NT5C1B: variants seen among roughly 807,000 people sequenced by gnomAD.
The protein encoded by NT5C1B is 5'-nucleotidase, cytosolic IB, also known as cytosolic 5'-nucleotidase 1B.
Under a neutral mutation model 57.8 loss-of-function variants are expected in NT5C1B, and 44 were observed. The ratio of observed to expected loss-of-function variants is 0.76; its 90% CI spans 0.60 to 0.98. NT5C1B has a LOEUF of 0.98. Among genes scored for constraint, NT5C1B ranks in the 50% least tolerant of loss-of-function variants. The pLI is 0.00. For synonymous variants in NT5C1B, 284 were observed against 282.6 expected (o/e 1.00, Z -0.05); for missense variants, 742 against 719.5 (o/e 1.03, Z -0.36).
exon 9 of NT5C1B, chr2:18,563,868 C>A: frequency 1.2e-6 from 2 of 1,613,790 alleles, no homozygotes; most frequent in Non-Finnish European, 1.7e-6. Context: ...CAATGTGGAA[C>A]ATGTGGTCAT....
intron 1 of NT5C1B, among the ~76,000 whole-genome samples, chr2:18,587,916 G>GT (rs964799536): frequency 1.2e-4 from 18 of 150,422 alleles, no homozygotes; most frequent in Non-Finnish European, 1.3e-4. Context: ...GAATAAGTTT[G>GT]TTTTTTTTTC....
intron 6 of NT5C1B, among the ~76,000 whole-genome samples, chr2:18,578,305 G>A (rs1054791765): frequency 1.3e-5 from 2 of 151,978 alleles, no homozygotes; most frequent in Admixed American, 6.5e-5. Context: ...AAACCTGGCA[G>A]AGACACAGAA....
At chr2:18,587,992 T>C (rs1666877493) in intron 1 of NT5C1B, among the ~76,000 whole-genome samples, 1 of 152,234 alleles carries the variant, frequency 6.6e-6, no homozygotes, top group African/African-American at 2.4e-5. Flanking sequence ...CAATTTTTTC[T>C]TGTTTTCATC....
intron 8 of NT5C1B, among the ~76,000 whole-genome samples, chr2:18,572,173 G>A (rs1665266277): frequency 6.6e-6 from 1 of 150,884 alleles, no homozygotes; most frequent in Admixed American, 6.6e-5. Flanking sequence ...TGTATTAAAG[G>A]AACAAGGCAG....
Position 18,584,051 on chromosome 2 carries a change from G to T in NT5C1B, c.891+37C>A, listed in dbSNP as rs779274761. The T allele has an allele frequency of 1.2e-6, 2 of 1,614,136 alleles. No homozygotes were observed. Among genetic ancestry groups the T allele is most frequent in the Non-Finnish European group, 8.5e-7 (1 of 1,180,012 alleles). ...TGGCCTGGGTCCCTCCCTCGCCATC[G>T]AGTGTCCTGGCGGGCCAAAGACAGC... On this transcript the variant is annotated intron_variant, in intron 5 of 8. Transcript: ENST00000304081. The surrounding 1 kb of genome is among the most constrained non-coding windows in gnomAD (Gnocchi z 5.8).
intron 1 of NT5C1B, among the ~76,000 whole-genome samples, 183 bp downstream of exon 1, chr2:18,589,256 C>A (rs1423604196): frequency 6.6e-6 from 1 of 152,128 alleles, no homozygotes; most frequent in African/African-American, 2.4e-5. Context: ...TTTTAAATTT[C>A]TCCTTCTTCC....
rs1244626947 is a variant in NT5C1B at position 18,585,045 on chromosome 2, CT to C, written c.259-68del. 1.9e-6 allele frequency: 3 copies of C among 1,587,926 alleles called. No homozygotes were observed. In the African/African-American group the frequency reaches 4.0e-5, roughly 21 times the overall value. On this transcript the variant is annotated intron_variant, in intron 3 of 8. Transcript: ENST00000304081. ...CCCATCTCCGGTCAAGGATCTGTCC[CT>C]TCTGCCTATTCCATTCCTAGACCTT...
At chr2:18,587,065 A>C in intron 2 of NT5C1B, 1 of 1,614,118 alleles carries the variant, frequency 6.2e-7, no homozygotes, top group African/African-American at 1.3e-5. Flanking sequence ...ATTGTGTGGC[A>C]GGGGCCAAGG....
rs572832526 is a variant in NT5C1B at position 18,586,554 on chromosome 2, C to G, written c.121-163G>C. 9 of 1,111,108 alleles carry G rather than the reference C, an allele frequency of 8.1e-6. No homozygotes were observed. The East Asian group carries it at 1.8e-4, about 23-fold the overall frequency. The allele number at this position is 1,111,108 out of a possible 1,614,324, so 68.8% of individuals were successfully genotyped here. On this transcript the variant is annotated intron_variant, in intron 2 of 8. Coordinates refer to ENST00000304081, the Ensembl canonical transcript of NT5C1B. ...TCAACCTGAACTCTTCTGTACTATTCTAACTCTGGTCTAGTCCTCACTTCT... is the reference window on the plus strand; with the variant it reads ...TCAACCTGAACTCTTCTGTACTATTGTAACTCTGGTCTAGTCCTCACTTCT...
At position 18,572,193 on chromosome 2, in the gene NT5C1B, C is replaced by A. The variant is rs184568712; in HGVS notation, c.1329+3991G>T. 2.6e-5 allele frequency among the ~76,000 whole-genome samples: 4 copies of A among 151,978 alleles called. No individual in the cohort carries two copies. In the East Asian group the frequency reaches 7.8e-4, roughly 29 times the overall value. ...TAAAGGAACAAGGCAGAAAATCACC[C>A]TTTTCAACAAATAATGCTTGAACAA... On this transcript the variant is annotated intron_variant, in intron 8 of 8. Transcript: ENST00000304081.
At position 18,584,644 on chromosome 2, in the gene NT5C1B, T is replaced by G; in HGVS notation, c.593A>C (p.Gln198Pro). 1 of 1,613,234 alleles carries G rather than the reference T, an allele frequency of 6.2e-7. No individual in the cohort carries two copies. The highest frequency in any genetic ancestry group is 8.5e-7 in the Non-Finnish European group (1 of 1,179,728). The stretch of plus-strand genomic sequence containing the variant: ...CTCGGACAGAGAGTTGCGGTCCAGC[T>G]GGGTGGAGGCGGGGTAGATCCCCCT... Residue 198 changes from glutamine (Q) to proline (P), a missense_variant, in exon 4 of 9, where the codon CAG becomes CCG. By Grantham distance (76) the Gln-to-Pro change is moderately conservative. Coordinates refer to ENST00000304081, the Ensembl canonical transcript of NT5C1B. The surrounding 1 kb of genome is among the most constrained non-coding windows in gnomAD (Gnocchi z 5.8).
chr2:18,565,270 A>G (rs894251489), intron 8 of NT5C1B, among the ~76,000 whole-genome samples: 1 of 152,026 alleles, frequency 6.6e-6, no homozygotes, highest in Non-Finnish European at 1.5e-5. Flanking sequence ...TTTAGTTTTA[A>G]TTCTATGGTT....
chr2:18,569,185 ATTAC>A (rs1664927060), intron 8 of NT5C1B, among the ~76,000 whole-genome samples: 1 of 152,222 alleles, frequency 6.6e-6, no homozygotes. Flanking sequence ...ATAGACTGTG[ATTAC>A]TTAAAGTTGT....
intron 8 of NT5C1B, among the ~76,000 whole-genome samples, chr2:18,574,343 A>G (rs1665478084): frequency 6.6e-6 from 1 of 152,156 alleles, no homozygotes; most frequent in Non-Finnish European, 1.5e-5. Context: ...CTGGGGGAGT[A>G]TGTAGAGAAT....
At chr2:18,576,418 T>C (rs370234937) in intron 7 of NT5C1B, 50 bp from the exon 8 acceptor site, 16 of 1,557,166 alleles carry the variant, frequency 1.0e-5, no homozygotes, top group South Asian at 7.3e-5. Flanking sequence ...CCATGAGTTA[T>C]AGTTTCTACC....
At position 18,586,505 on chromosome 2, in the gene NT5C1B, T is replaced by A. The variant is rs552863840; in HGVS notation, c.121-114A>T. ...AATATAGCAGCACCCAGTGAGAAGA[T>A]CCCTGGCCTCAATGACTCTTAACTC... is the stretch of plus-strand genomic sequence containing the variant. On this transcript the variant is annotated intron_variant, in intron 2 of 8. Transcript: ENST00000304081. 16 of 1,474,898 alleles carry A rather than the reference T, an allele frequency of 1.1e-5. No homozygotes were observed. In the East Asian group the frequency reaches 3.5e-4, roughly 32 times the overall value. 91.4% of individuals were successfully genotyped at this position (1,474,898 alleles called of 1,614,324 possible).
chr2:18,583,513 A>G (rs1417318236), intron 5 of NT5C1B: 3 of 273,594 alleles, frequency 1.1e-5, no homozygotes, highest in Non-Finnish European at 2.1e-5. Context: ...ACTGTGTCTC[A>G]TAAGTACATT....
At chr2:18,563,022 G>GTCCATGAAGTGACAT (rs1664309273) in exon 9 of NT5C1B, 1 of 151,030 alleles carries the variant, frequency 6.6e-6, no homozygotes, top group Non-Finnish European at 1.5e-5. Context: ...TGAAGGGCCA[G>GTCCATGAAGTGACAT]GATACTACAC....
In NT5C1B at chr2:18,584,692, T is replaced by G. The variant is rs1415047443; in HGVS notation, c.545A>C (p.Glu182Ala). The change falls in exon 4 of 9, where the codon GAG (glutamate) becomes GCG (alanine). Residue 182 changes from glutamate to alanine, a missense_variant. By Grantham distance (107) the Glu-to-Ala change is moderately radical (BLOSUM62 -1). Coordinates refer to ENST00000304081, the Ensembl canonical transcript of NT5C1B. This position sits in a 1 kb window ranked among gnomAD's most constrained non-coding sequence, Gnocchi z 5.8. ...CCTGCGCTGGCTGGAGGACTTCCAC[T>G]CGGTGGGGGACGTGCGCGAATATTC... is the stretch of plus-strand genomic sequence containing the variant. The G allele has an allele frequency of 1.2e-6, 2 of 1,612,086 alleles. No individual in the cohort carries two copies. Among genetic ancestry groups the G allele is most frequent in the Admixed American group, 3.3e-5 (2 of 59,900 alleles).
Sources: gnomAD v4.1 joint callset for allele counts (sites outside exome capture counted in the v4.1 genomes callset) on GRCh38, gnomAD v4.1.1 for gene constraint, Gnocchi (gnomAD v3.1) non-coding constraint, MANE v1.5 for transcripts, NCBI Gene and HGNC (gene_info 2026-07-23, HGNC 2026-07-21) for gene names.